BRD7: variants seen among roughly 807,000 people sequenced by gnomAD.
The protein encoded by BRD7 is bromodomain containing 7.
In BRD7, 15 loss-of-function variants were observed where a neutral mutation model predicts 82.1. The ratio of observed to expected loss-of-function variants is 0.18; its 90% confidence interval spans 0.12 to 0.28. The LOEUF (loss-of-function observed/expected upper bound fraction) is 0.28, where lower values mean the gene tolerates loss of function less well. BRD7 is among the 10% of genes least tolerant of loss of function. The probability of loss-of-function intolerance (pLI) is 1.00; values close to 1 mark genes in which losing one functional copy is unlikely to be tolerated. For synonymous variants in BRD7, 232 were observed against 266.9 expected, an observed-to-expected ratio of 0.87 and a Z score of 1.27; for missense variants, 638 against 779.9, an observed-to-expected ratio of 0.82 and a Z score of 2.17.
intron 4 of BRD7, among the ~76,000 whole-genome samples, chr16:50,351,328 T>C (rs2038514460): frequency 6.6e-6 from 1 of 152,224 alleles, no homozygotes; most frequent in African/African-American, 2.4e-5. Context: ...AATCTGCCTT[T>C]GTTTTTCACA....
intron 7 of BRD7, 62 bp downstream of exon 7, chr16:50,334,649 A>AT (rs2037716758): frequency 5.1e-6 from 8 of 1,567,738 alleles, no homozygotes; most frequent in Admixed American, 1.8e-5. Flanking sequence ...CCGAATAAGT[A>AT]TTTTTCCCCC....
intron 4 of BRD7, among the ~76,000 whole-genome samples, chr16:50,353,058 A>C (rs1291628974): frequency 7.0e-6 from 1 of 143,250 alleles, no homozygotes; most frequent in South Asian, 2.3e-4. Flanking sequence ...AAAAGAAGAG[A>C]GATCAGTAAG....
intron 8 of BRD7, among the ~76,000 whole-genome samples, chr16:50,331,868 A>G (rs2037579327): frequency 6.6e-6 from 1 of 152,232 alleles, no homozygotes; most frequent in Admixed American, 6.5e-5. Flanking sequence ...ATCTTTGACA[A>G]AGTCGACAAA....
intron 9 of BRD7, among the ~76,000 whole-genome samples, chr16:50,326,681 A>G (rs868318590): frequency 6.6e-6 from 1 of 152,238 alleles, no homozygotes; most frequent in Non-Finnish European, 1.5e-5. Context: ...CAAAAGCCAC[A>G]AAAACTTTTA....
Position 50,334,617 on chromosome 16 carries a change from C to T in BRD7, c.887+94G>A, listed in dbSNP as rs887103297. 5 of 1,450,336 alleles carry T rather than the reference C, an allele frequency of 3.4e-6. No homozygotes were observed. In the East Asian group the frequency reaches 9.1e-5, roughly 26 times the overall value. The allele number at this position is 1,450,336 out of a possible 1,614,324, so 89.8% of individuals were successfully genotyped here. On this transcript the variant is annotated intron_variant, in intron 7 of 16. Coordinates refer to ENST00000394688, the MANE Select transcript of BRD7 (RefSeq NM_013263.5). ...CACCACCACCACCGACACACTAGCA[C>T]TTGGTCTTCCCAAGTCAGGCCCCGA...
At chr16:50,367,977 G>T in intron 2 of BRD7, 113 bp downstream of exon 2, 3 of 1,087,882 alleles carry the variant, frequency 2.8e-6, no homozygotes, top group Non-Finnish European at 4.1e-6. Flanking sequence ...CTCCTCAAAC[G>T]AGCCAGATCT....
chr16:50,357,298 G>C (rs570835935), intron 2 of BRD7, among the ~76,000 whole-genome samples: 10 of 151,996 alleles, frequency 6.6e-5, no homozygotes, highest in Admixed American at 1.3e-4. Context: ...TCTATTTTCA[G>C]AATCCAAAGC....
intron 5 of BRD7, among the ~76,000 whole-genome samples, chr16:50,344,048 C>G (rs910725262): frequency 8.5e-5 from 13 of 152,166 alleles, no homozygotes; most frequent in Admixed American, 3.3e-4. Flanking sequence ...CAGCTGGGTG[C>G]CCCTCTGAGA....
chr16:50,334,715 T>C lies in BRD7; in HGVS notation c.883A>G (p.Lys295Glu). Reference protein sequence around the residue: ...HAFKSPSKENKKKDKDMLEDK... With the variant: ...HAFKSPSKENEKKDKDMLEDK... ...AACATCCCAAAGATCTTTTACTTTT[T>C]ATTTTCTTTGCTGGGACTCTTGAAG... The change falls in exon 7 of 17, where the codon AAA (lysine) becomes GAA (glutamate). Residue 295 changes from lysine (K) to glutamate (E), a missense_variant. Lys to Glu is a moderately conservative substitution (Grantham distance 56, BLOSUM62 1). Coordinates refer to ENST00000394688, the MANE Select transcript of BRD7 (RefSeq NM_013263.5). 1 of 1,605,694 alleles carries C rather than the reference T, an allele frequency of 6.2e-7. No homozygotes were observed. Among genetic ancestry groups the C allele is most frequent in the Non-Finnish European group, 8.5e-7 (1 of 1,174,926 alleles).
intron 5 of BRD7, among the ~76,000 whole-genome samples, chr16:50,342,455 CTTTTTT>C (rs34093559): frequency 2.9e-5 from 3 of 102,940 alleles, no homozygotes; most frequent in African/African-American, 7.4e-5. Context: ...AAGACACTGT[CTTTTTT>C]TTTTTTTTTT....
chr16:50,345,001 T>C (rs1250901251), intron 5 of BRD7, among the ~76,000 whole-genome samples: 1 of 152,190 alleles, frequency 6.6e-6, no homozygotes, highest in African/African-American at 2.4e-5. Context: ...GAAAAAATGT[T>C]AAGGGCAGCC....
intron 11 of BRD7, among the ~76,000 whole-genome samples, chr16:50,324,860 C>T (rs1321321586): frequency 1.3e-5 from 2 of 152,200 alleles, no homozygotes; most frequent in Non-Finnish European, 2.9e-5. Context: ...ATGCATGATC[C>T]AGAAAGAATT....
intron 6 of BRD7, among the ~76,000 whole-genome samples, chr16:50,335,621 T>C (rs1389613106): frequency 6.6e-6 from 1 of 152,202 alleles, no homozygotes; most frequent in African/African-American, 2.4e-5. Flanking sequence ...CTGGGTAAAA[T>C]AGAGTGCAAC....
chr16:50,340,085 T>A lies in BRD7; in HGVS notation c.593A>T (p.Asp198Val). Residue 198 changes from aspartate to valine, a missense_variant and splice_region_variant, in exon 6 of 17, where the codon GAT becomes GTT. By Grantham distance (152) the Asp-to-Val change is radical (BLOSUM62 -3). Around this residue, in one of 3 missense-constraint regions of BRD7, gnomAD observed 64 missense variants for 123.8 expected, o/e 0.52. Coordinates refer to ENST00000394688, the MANE Select transcript of BRD7 (RefSeq NM_013263.5). ...ATTAGTACACATTAGTTTGAAGTTA[T>A]CCTGCAGAAAGAACATTAAGGGAGA... ...NDYQSIEELKDNFKLMCTNAM... is the reference protein window; with the variant it reads ...NDYQSIEELKVNFKLMCTNAM... The A allele has an allele frequency of 6.6e-7, 1 of 1,510,280 alleles. No homozygotes were observed. Among genetic ancestry groups the A allele is most frequent in the Non-Finnish European group, 9.0e-7 (1 of 1,115,432 alleles). The allele number at this position is 1,510,280 out of a possible 1,614,324, so 93.6% of individuals were successfully genotyped here. A position where few individuals can be genotyped will look rare whatever the true frequency, so the allele number is the denominator to read the frequency against.
In BRD7 at chr16:50,323,608, C is replaced by T; in HGVS notation, c.1422G>A (p.Arg474=). ...LDVLTKGGHS[R]TLQEMEMSLP... is the part of the protein sequence containing the mutation. ...TTACCATCTCCATCTCTTGTAGGGT[C>T]CTGGAATGCCCTCCTTTTGTTAAAA... Residue 474 remains arginine, a synonymous_variant, in exon 12 of 17, where the codon AGG becomes AGA. Transcript: ENST00000394688. The T allele has an allele frequency of 6.2e-7, 1 of 1,613,138 alleles. No individual in the cohort carries two copies. Among genetic ancestry groups the T allele is most frequent in the Non-Finnish European group, 8.5e-7 (1 of 1,179,172 alleles).
chr16:50,321,788 G>A (rs988159144), intron 13 of BRD7, among the ~76,000 whole-genome samples, 194 bp downstream of exon 13: 9 of 152,084 alleles, frequency 5.9e-5, no homozygotes, highest in African/African-American at 1.9e-4. Flanking sequence ...CTAAAAACTT[G>A]TGGGGGAGAA....
intron 15 of BRD7, 103 bp from the exon 16 acceptor site, chr16:50,320,133 A>G: frequency 1.6e-6 from 2 of 1,238,770 alleles, no homozygotes; most frequent in Non-Finnish European, 1.1e-6. Context: ...CAAAACAAAA[A>G]AACTGTCCCT....
chr16:50,368,053 G>A, intron 2 of BRD7, 37 bp downstream of exon 2: 9 of 1,602,256 alleles, frequency 5.6e-6, no homozygotes, highest in Non-Finnish European at 6.8e-6. Flanking sequence ...AAGAGGCAGT[G>A]CCGTCCGCAA....
chr16:50,333,197 G>A (rs367806256), intron 8 of BRD7, among the ~76,000 whole-genome samples: 1 of 152,174 alleles, frequency 6.6e-6, no homozygotes, highest in African/African-American at 2.4e-5. Context: ...ATGTTTTCCT[G>A]TAAATTTAAA....
Sources: gnomAD v4.1 joint callset for allele counts (sites outside exome capture counted in the v4.1 genomes callset) on GRCh38, gnomAD v4.1.1 for gene constraint, gnomAD v4.1.1 regional missense constraint, MANE v1.5 for transcripts, NCBI Gene and HGNC (gene_info 2026-07-23, HGNC 2026-07-21) for gene names.